CCN4: variants seen among roughly 807,000 people sequenced by gnomAD.
CCN4 encodes cellular communication network factor 4.
In CCN4, 30 loss-of-function variants were observed where a neutral mutation model predicts 36.7. That is an observed-to-expected ratio of 0.82 (90% CI 0.61 to 1.11). The LOEUF (loss-of-function observed/expected upper bound fraction) is 1.11. Ranked by LOEUF, CCN4 falls within the 50% of genes least tolerant of loss-of-function variation. CCN4 has a pLI of 0.00. For missense variants in CCN4, 505 were observed against 504.9 expected, an observed-to-expected ratio of 1.00 and a Z score of 0.00; for synonymous variants, 191 against 195.4, an observed-to-expected ratio of 0.98 and a Z score of 0.19.
In CCN4 at chr8:133,225,574, A is replaced by G. The variant is rs113292639; in HGVS notation, c.795A>G (p.Thr265=). ...NLRPCDVDIH[T]LIKAGKKCLA... is the part of the protein sequence containing the mutation. ...GGCCATGCGATGTGGACATCCATAC[A>G]CTCATTAAGGTGGGTCCAGAGCAGG... The change falls in exon 4 of 5, where the codon ACA becomes ACG. Residue 265 remains threonine, a synonymous_variant. Transcript: ENST00000250160. The G allele has an allele frequency of 1.6e-5, 26 of 1,607,082 alleles. No individual in the cohort carries two copies. The African/African-American group carries it at 2.1e-4, about 13-fold the overall frequency.
intron 2 of CCN4, 30 bp downstream of exon 2, chr8:133,213,173 G>A: frequency 1.9e-6 from 3 of 1,574,714 alleles, no homozygotes; most frequent in Non-Finnish European, 1.7e-6. Context: ...CTTCTGACCA[G>A]CCCCTGAGCA....
chr8:133,206,907 C>T (rs1239597261), intron 1 of CCN4, among the ~76,000 whole-genome samples: 7 of 152,160 alleles, frequency 4.6e-5, no homozygotes, highest in Non-Finnish European at 2.9e-5. Context: ...TATATGCCAC[C>T]GGCCCAGGAG....
chr8:133,218,007 A>G (rs1206760650), intron 2 of CCN4, among the ~76,000 whole-genome samples: 1 of 150,240 alleles, frequency 6.7e-6, no homozygotes, highest in African/African-American at 2.5e-5. Context: ...GTGACTCAGA[A>G]TGCAAAGATG....
At chr8:133,194,872 T>C (rs1159484090) in intron 1 of CCN4, among the ~76,000 whole-genome samples, 1 of 135,892 alleles carries the variant, frequency 7.4e-6, no homozygotes, top group Non-Finnish European at 1.6e-5. Context: ...GTGTTTGTGG[T>C]GTGTTTTTGT....
intron 1 of CCN4, among the ~76,000 whole-genome samples, chr8:133,212,017 C>T (rs1854060827): frequency 6.6e-6 from 1 of 152,206 alleles, no homozygotes; most frequent in Non-Finnish European, 1.5e-5. Flanking sequence ...CTGGGCAGCT[C>T]TTAGGGCCTT....
chr8:133,224,455 G>T (rs1854653921), intron 3 of CCN4, among the ~76,000 whole-genome samples: 3 of 151,672 alleles, frequency 2.0e-5, no homozygotes, highest in African/African-American at 7.3e-5. Flanking sequence ...AGCTAGGCTA[G>T]TCTCAAACTC....
rs999717178 is a variant in CCN4 at position 133,201,082 on chromosome 8, C to A, written c.69+9869C>A. 4.6e-5 allele frequency among the ~76,000 whole-genome samples: 7 copies of A among 152,320 alleles called. 1 individual carries two copies. The South Asian group carries it at 1.2e-3, about 27-fold the overall frequency. Reference sequence around the variant, plus strand: ...CCTCGTAGCCCTTACTTAGACTATGCTAAGTTACCTTACAGTGTGGCCCTT... The same window carrying A: ...CCTCGTAGCCCTTACTTAGACTATGATAAGTTACCTTACAGTGTGGCCCTT... On this transcript the variant is annotated intron_variant, in intron 1 of 4. Coordinates refer to ENST00000250160, the MANE Select transcript of CCN4 (RefSeq NM_003882.4).
At chr8:133,224,177 T>C (rs1044827883) in intron 3 of CCN4, among the ~76,000 whole-genome samples, 15 of 146,656 alleles carry the variant, frequency 1.0e-4, no homozygotes, top group African/African-American at 2.8e-4. Context: ...AGCCAGCAAG[T>C]AGCAGTGCTG....
chr8:133,222,689 T>C (rs1036353136), intron 3 of CCN4, among the ~76,000 whole-genome samples: 5 of 151,600 alleles, frequency 3.3e-5, no homozygotes, highest in African/African-American at 9.7e-5. Context: ...GAGCATCTGA[T>C]GCCATGGCAG....
chr8:133,204,564 A>C (rs1052167207), intron 1 of CCN4, among the ~76,000 whole-genome samples: 43 of 152,138 alleles, frequency 2.8e-4, no homozygotes, highest in Non-Finnish European at 3.4e-4. Flanking sequence ...TCAAAGAGGG[A>C]TCTAGGAATC....
intron 2 of CCN4, among the ~76,000 whole-genome samples, chr8:133,214,915 A>T (rs191151379): frequency 1.7e-4 from 26 of 152,334 alleles, no homozygotes; most frequent in African/African-American, 6.3e-4. Context: ...AGGGTTATGT[A>T]CATCATTTGC....
At chr8:133,217,578 G>A (rs1389608220) in intron 2 of CCN4, among the ~76,000 whole-genome samples, 1 of 152,302 alleles carries the variant, frequency 6.6e-6, no homozygotes, top group Non-Finnish European at 1.5e-5. Context: ...TGGTGGGCAG[G>A]CTGGTCAGAG....
At chr8:133,210,921 G>A (rs16904847) in intron 1 of CCN4, among the ~76,000 whole-genome samples, 2,719 of 152,334 alleles carry the variant, frequency 0.018, 78 homozygotes, top group African/African-American at 0.061. Flanking sequence ...GAACTGCATC[G>A]CAGCGGCCTT....
rs536976767 is a variant in CCN4, at chr8:133,207,565, A to C, written c.70-5299A>C. 2.0e-5 allele frequency among the ~76,000 whole-genome samples: 3 copies of C among 152,306 alleles called. No individual in the cohort carries two copies. The East Asian group carries it at 5.8e-4, about 29-fold the overall frequency. On this transcript the variant is annotated intron_variant, in intron 1 of 4. Transcript: ENST00000250160. ...AAGGCAGACCTTGGTTCCATCCCTGACTACCTGACCTGTGTGGCCTTGCAC... is the reference window on the plus strand; with the variant it reads ...AAGGCAGACCTTGGTTCCATCCCTGCCTACCTGACCTGTGTGGCCTTGCAC...
intron 1 of CCN4, among the ~76,000 whole-genome samples, chr8:133,193,200 A>G (rs920994261): frequency 3.3e-5 from 5 of 152,242 alleles, no homozygotes; most frequent in Non-Finnish European, 7.3e-5. Flanking sequence ...CAAAGGGAGC[A>G]CATGTCCAAC....
chr8:133,213,052 C>T lies in CCN4; in HGVS notation c.258C>T (p.Asn86=), dbSNP rs1446689646. Residue 86 remains asparagine (N), a synonymous_variant, in exon 2 of 5, where the codon AAC becomes AAT. Coordinates refer to ENST00000250160, the MANE Select transcript of CCN4 (RefSeq NM_003882.4). ...CKMCAQQLGD[N]CTEAAICDPH... is the part of the protein sequence containing the mutation. ...TGTGCGCTCAGCAGCTTGGGGACAA[C>T]TGCACGGAGGCTGCCATCTGTGACC... 1.2e-6 allele frequency: 2 copies of T among 1,614,184 alleles called. No individual in the cohort carries two copies. Among genetic ancestry groups the T allele is most frequent in the African/African-American group, 1.3e-5 (1 of 75,068 alleles).
intron 1 of CCN4, among the ~76,000 whole-genome samples, chr8:133,210,273 C>A (rs1853957772): frequency 6.6e-6 from 1 of 152,104 alleles, no homozygotes; most frequent in African/African-American, 2.4e-5. Flanking sequence ...CTGCCAAGAG[C>A]ACGTCCTGAG....
intron 1 of CCN4, among the ~76,000 whole-genome samples, chr8:133,193,385 C>T (rs1367382298): frequency 1.3e-5 from 2 of 152,234 alleles, no homozygotes; most frequent in East Asian, 3.9e-4. Context: ...AGATGGCAGC[C>T]CAGAAGGAGA....
In CCN4 at chr8:133,227,427, T is replaced by C; in HGVS notation, c.821T>C (p.Leu274Pro). Reference protein sequence around the residue: ...HTLIKAGKKCLAVYQPEASMN... With the variant: ...HTLIKAGKKCPAVYQPEASMN... ...TTCCTTCAGGCAGGGAAGAAGTGTC[T>C]GGCTGTGTACCAGCCAGAGGCATCC... Residue 274 changes from leucine (L) to proline (P), a missense_variant, in exon 5 of 5, where the codon CTG becomes CCG. Leu to Pro is a moderately conservative substitution (Grantham distance 98). Coordinates refer to ENST00000250160, the MANE Select transcript of CCN4 (RefSeq NM_003882.4). 6.2e-7 allele frequency: 1 copy of C among 1,612,470 alleles called. No individual in the cohort carries two copies. Among genetic ancestry groups the C allele is most frequent in the Non-Finnish European group, 8.5e-7 (1 of 1,178,922 alleles).
Sources: allele counts gnomAD v4.1 joint callset (sites outside exome capture counted in the v4.1 genomes callset), GRCh38; gene constraint gnomAD v4.1.1; transcripts MANE v1.5; gene names NCBI Gene and HGNC (gene_info 2026-07-23, HGNC 2026-07-21).